Variants in KCNK2 observed in about 807,000 individuals in gnomAD.
KCNK2 encodes potassium two pore domain channel subfamily K member 2, also known as potassium channel subfamily K member 2.
In KCNK2, 21 loss-of-function variants were observed where a neutral mutation model predicts 40.5. That is an observed-to-expected ratio of 0.52 (90% CI 0.37 to 0.75). KCNK2 has a LOEUF of 0.75. KCNK2 is among the 30% of genes least tolerant of loss of function. KCNK2 has a pLI of 0.00. For missense variants in KCNK2, 399 were observed against 531.6 expected (o/e 0.75, Z 2.45); for synonymous variants, 191 against 202.2 (o/e 0.94, Z 0.47).
At chr1:215,071,211 G>T (rs1201527082) in intron 1 of KCNK2, among the ~76,000 whole-genome samples, 1 of 152,184 alleles carries the variant, frequency 6.6e-6, no homozygotes, top group Admixed American at 6.5e-5. Context: ...GTTCTGGTGT[G>T]ATTTTGACAT....
At chr1:215,007,037 A>ATGTGTGTGTGTGTGTG (rs1214318973) in intron 1 of KCNK2, among the ~76,000 whole-genome samples, 7 of 51,600 alleles carry the variant, frequency 1.4e-4, no homozygotes, top group African/African-American at 2.5e-4. Context: ...ATATATATAT[A>ATGTGTGTGTGTGTGTG]TGTGTGTGTG....
chr1:215,209,437 A>T (rs372442211), intron 6 of KCNK2, among the ~76,000 whole-genome samples: 102 of 10,848 alleles, frequency 9.4e-3, no homozygotes, highest in Non-Finnish European at 0.016. Flanking sequence ...ATATAATATA[A>T]AATATATAAT....
intron 3 of KCNK2, among the ~76,000 whole-genome samples, chr1:215,135,403 T>G (rs958258212): frequency 6.6e-6 from 1 of 152,190 alleles, no homozygotes; most frequent in African/African-American, 2.4e-5. Context: ...ATTGAATGAC[T>G]GTATACTAAT....
At chr1:215,182,711 G>A (rs575495949) in intron 5 of KCNK2, among the ~76,000 whole-genome samples, 3 of 152,212 alleles carry the variant, frequency 2.0e-5, no homozygotes, top group African/African-American at 7.2e-5. Context: ...TCTGGCCCAC[G>A]ACTAAAATCC....
At chr1:215,231,391 T>C (rs1666658492) in intron 6 of KCNK2, among the ~76,000 whole-genome samples, 1 of 152,154 alleles carries the variant, frequency 6.6e-6, no homozygotes, top group Non-Finnish European at 1.5e-5. Flanking sequence ...CTCTCACTGG[T>C]AATACAGGTC....
intron 6 of KCNK2, among the ~76,000 whole-genome samples, chr1:215,221,628 A>G (rs1666181406): frequency 6.6e-6 from 1 of 152,096 alleles, no homozygotes. Flanking sequence ...CATGTTAAGT[A>G]GACTTAGTAG....
chr1:215,103,773 C>T (rs954390100), intron 2 of KCNK2, among the ~76,000 whole-genome samples: 5 of 151,952 alleles, frequency 3.3e-5, no homozygotes, highest in Admixed American at 2.0e-4. Flanking sequence ...GACAATAACT[C>T]CTGCTTTATT....
intron 3 of KCNK2, among the ~76,000 whole-genome samples, chr1:215,137,551 A>G (rs1376634374): frequency 6.6e-6 from 1 of 152,218 alleles, no homozygotes; most frequent in Non-Finnish European, 1.5e-5. Context: ...ATGTAAGGTG[A>G]AGAAAAATAA....
At chr1:215,093,736 T>TTATATATTATATTATATATTATATAAA (rs1659816663) in intron 2 of KCNK2, among the ~76,000 whole-genome samples, 1 of 90,064 alleles carries the variant, frequency 1.1e-5, no homozygotes, top group African/African-American at 4.6e-5. Flanking sequence ...ATATAATATA[T>TTATATATTATATTATATATTATATAAA]AATATAAAAA....
intron 1 of KCNK2, among the ~76,000 whole-genome samples, chr1:215,022,130 A>ATCTATCTATCTAG (rs1558059696): frequency 0.25 from 4,299 of 17,264 alleles, 153 homozygotes; most frequent in African/African-American, 0.3. Context: ...TATCTATCTA[A>ATCTATCTATCTAG]TCATCTATCT....
chr1:215,091,556 T>G (rs1261960977), intron 2 of KCNK2, among the ~76,000 whole-genome samples: 1 of 152,212 alleles, frequency 6.6e-6, no homozygotes, highest in African/African-American at 2.4e-5. Flanking sequence ...GAATGCCTAC[T>G]GTGTACATTG....
chr1:215,007,360 G>A (rs1402196773), intron 1 of KCNK2, among the ~76,000 whole-genome samples: 2 of 150,700 alleles, frequency 1.3e-5, no homozygotes, highest in Non-Finnish European at 2.9e-5. Flanking sequence ...CTCATGGGAT[G>A]AAGACTACTT....
Position 215,083,194 on chromosome 1 carries a change from T to TCCCCCCCCCCCCCCCC in KCNK2, c.-183_-182insCCCCCCCCCCCCCCCC, listed in dbSNP as rs201482650. 2.2e-5 allele frequency: 11 copies of TCCCCCCCCCCCCCCCC among 502,530 alleles called. No individual in the cohort carries two copies. Among genetic ancestry groups the TCCCCCCCCCCCCCCCC allele is most frequent in the Middle Eastern group, 7.0e-4 (1 of 1,424 alleles). The allele number at this position is 502,530 out of a possible 1,614,324, so 31.1% of individuals were successfully genotyped here. On this transcript the variant is annotated 5_prime_UTR_variant, in exon 1 of 7. Coordinates refer to ENST00000444842, the MANE Select transcript of KCNK2 (RefSeq NM_001017425.3). Reference sequence around the variant, plus strand: ...CCCGCGATTTCGTTTCTTCTCACGCTCCCCCCCCCGCCCCCTCCCGCGTCC... The same window carrying TCCCCCCCCCCCCCCCC: ...CCCGCGATTTCGTTTCTTCTCACGCTCCCCCCCCCCCCCCCCCCCCCCCCCGCCCCCTCCCGCGTCC...
chr1:215,039,611 A>C (rs1657497206), intron 1 of KCNK2, among the ~76,000 whole-genome samples: 1 of 152,148 alleles, frequency 6.6e-6, no homozygotes, highest in African/African-American at 2.4e-5. Flanking sequence ...AGAGAAGAGA[A>C]CACTTTATGA....
chr1:215,053,482 G>A (rs1658057817), intron 1 of KCNK2, among the ~76,000 whole-genome samples: 1 of 152,170 alleles, frequency 6.6e-6, no homozygotes, highest in Non-Finnish European at 1.5e-5. Context: ...AAGTGGACAA[G>A]GCAAATTAAA....
chr1:215,113,059 A>G (rs963358723), intron 2 of KCNK2, among the ~76,000 whole-genome samples: 26 of 152,174 alleles, frequency 1.7e-4, no homozygotes, highest in Non-Finnish European at 3.1e-4. Flanking sequence ...ATATACTACA[A>G]ATGATTCTTG....
intron 3 of KCNK2, among the ~76,000 whole-genome samples, chr1:215,142,446 A>G (rs1662225293): frequency 6.6e-6 from 1 of 152,188 alleles, no homozygotes. Context: ...AGTAAGTAAT[A>G]TAGCATGTTA....
At chr1:215,209,742 AT>A (rs1210753138) in intron 6 of KCNK2, among the ~76,000 whole-genome samples, 19 of 60 alleles carry the variant, frequency 0.32, no homozygotes, top group African/African-American at 0.42. Flanking sequence ...TATAATATAT[AT>A]AAATATATAT....
At chr1:215,054,094 T>C (rs1000254329) in intron 1 of KCNK2, among the ~76,000 whole-genome samples, 1 of 152,230 alleles carries the variant, frequency 6.6e-6, no homozygotes, top group South Asian at 2.1e-4. Flanking sequence ...CAGCATAAGA[T>C]ACAAGTCTGT....
Sources: gnomAD v4.1 joint callset for allele counts (sites outside exome capture counted in the v4.1 genomes callset) on GRCh38, gnomAD v4.1.1 for gene constraint, MANE v1.5 for transcripts, NCBI Gene and HGNC (gene_info 2026-07-23, HGNC 2026-07-21) for gene names.